The following CSRNP3 variants were observed in gnomAD, a reference collection of about 807,000 sequenced individuals.
The protein encoded by CSRNP3 is cysteine and serine rich nuclear protein 3, also known as cysteine/serine-rich nuclear protein 3.
In CSRNP3, 12 loss-of-function variants were observed where a neutral mutation model predicts 48.0. That is an observed-to-expected ratio of 0.25 (90% confidence interval 0.16 to 0.41). The LOEUF is 0.41. Ranked by LOEUF, CSRNP3 falls within the 10% of genes least tolerant of loss-of-function variation. The pLI is 1.00. For synonymous variants in CSRNP3, 263 were observed against 269.7 expected (o/e 0.98, Z 0.24); for missense variants, 580 against 724.4 (o/e 0.80, Z 2.29).
intron 4 of CSRNP3, among the ~76,000 whole-genome samples, chr2:165,651,898 C>T (rs937863343): frequency 5.9e-5 from 9 of 152,050 alleles, no homozygotes; most frequent in Non-Finnish European, 1.2e-4. Flanking sequence ...TCAGGTGATC[C>T]GCCTGCCTCG....
chr2:165,649,133 A>G (rs543295431), intron 4 of CSRNP3, among the ~76,000 whole-genome samples: 9 of 152,252 alleles, frequency 5.9e-5, no homozygotes, highest in East Asian at 5.8e-4. Context: ...ATCTTTTTAT[A>G]TTACTTCTGT....
chr2:165,606,220 T>C (rs1021178477), intron 4 of CSRNP3, among the ~76,000 whole-genome samples: 1 of 150,654 alleles, frequency 6.6e-6, no homozygotes, highest in Non-Finnish European at 1.5e-5. Flanking sequence ...TACATTAAAA[T>C]AAAACTGAAT....
Position 165,647,457 on chromosome 2 carries a change from G to T in CSRNP3, c.149-10304G>T, listed in dbSNP as rs149720216. On this transcript the variant is annotated intron_variant, in intron 4 of 6. Coordinates refer to ENST00000651982, the MANE Select transcript of CSRNP3 (RefSeq NM_001172173.2). ...CCATATGTAAATGTTAATATTGGCT[G>T]TGTGGAAATCTTTAAAATTCCCTGG... Among the ~76,000 whole-genome samples the T allele has an allele frequency of 2.9e-3, 441 of 152,306 alleles. 3 individuals are homozygous for T. Among genetic ancestry groups the T allele is most frequent in the African/African-American group, 1.0e-2 (414 of 41,564 alleles).
chr2:165,553,339 T>C (rs1310277092), intron 3 of CSRNP3, among the ~76,000 whole-genome samples: 1 of 152,214 alleles, frequency 6.6e-6, no homozygotes, highest in Non-Finnish European at 1.5e-5. Context: ...AATCACTTCC[T>C]TAAGTTTACT....
At chr2:165,587,310 G>A (rs945823900) in intron 3 of CSRNP3, among the ~76,000 whole-genome samples, 7 of 152,208 alleles carry the variant, frequency 4.6e-5, no homozygotes, top group South Asian at 2.1e-4. Context: ...TGGCCAAGAC[G>A]TGAATTCATG....
At chr2:165,579,192 G>A (rs545579227) in intron 3 of CSRNP3, among the ~76,000 whole-genome samples, 2 of 152,222 alleles carry the variant, frequency 1.3e-5, no homozygotes, top group Non-Finnish European at 2.9e-5. Context: ...TCCAAAAATA[G>A]AAACCTGCCA....
intron 3 of CSRNP3, among the ~76,000 whole-genome samples, chr2:165,560,989 C>T: frequency 6.6e-6 from 1 of 152,162 alleles, no homozygotes; most frequent in East Asian, 1.9e-4. Flanking sequence ...TCCACTTTTG[C>T]ATAGTGGATT....
At chr2:165,639,118 G>A (rs1686683600) in intron 4 of CSRNP3, among the ~76,000 whole-genome samples, 2 of 152,092 alleles carry the variant, frequency 1.3e-5, no homozygotes, top group South Asian at 2.1e-4. Flanking sequence ...GTCTTGTCAC[G>A]TATTTTCTCT....
In CSRNP3 at chr2:165,674,866, A is replaced by G. The variant is rs140125045; in HGVS notation, c.409-1446A>G. Among the ~76,000 whole-genome samples the G allele has an allele frequency of 5.5e-4, 84 of 151,476 alleles. No homozygotes were observed. The East Asian group carries it at 7.2e-3, about 13-fold the overall frequency. On this transcript the variant is annotated intron_variant, in intron 5 of 6. Coordinates refer to ENST00000651982, the MANE Select transcript of CSRNP3 (RefSeq NM_001172173.2). ...GCTGGGACTACAGGCACCCACCACC[A>G]TGCCCAGCTAATTTTTGTGAATTTT...
At chr2:165,563,599 A>G (rs1047146794) in intron 3 of CSRNP3, among the ~76,000 whole-genome samples, 8 of 152,100 alleles carry the variant, frequency 5.3e-5, no homozygotes, top group Non-Finnish European at 1.5e-5. Context: ...AATAACCATA[A>G]CAAAATTCAG....
intron 3 of CSRNP3, among the ~76,000 whole-genome samples, chr2:165,534,618 T>C (rs1684857786): frequency 6.6e-6 from 1 of 151,904 alleles, no homozygotes. Context: ...AAGGTGTTGA[T>C]TTAATAAACT....
chr2:165,544,169 G>C (rs950752824), intron 3 of CSRNP3, among the ~76,000 whole-genome samples: 2 of 152,036 alleles, frequency 1.3e-5, no homozygotes, highest in African/African-American at 4.8e-5. Flanking sequence ...GGACACATTA[G>C]GCTTTACTAA....
chr2:165,624,824 T>C (rs562003404), intron 4 of CSRNP3, among the ~76,000 whole-genome samples: 1 of 152,224 alleles, frequency 6.6e-6, no homozygotes, highest in East Asian at 1.9e-4. Flanking sequence ...GTGCCACACA[T>C]TGTATTGTTC....
At chr2:165,641,309 G>A (rs1263243147) in intron 4 of CSRNP3, among the ~76,000 whole-genome samples, 3 of 152,154 alleles carry the variant, frequency 2.0e-5, no homozygotes, top group Non-Finnish European at 4.4e-5. Flanking sequence ...GTTCTTTACT[G>A]AAAGCTATCT....
Position 165,595,139 on chromosome 2 carries a change from A to G in CSRNP3, c.74A>G (p.Asp25Gly). 6.2e-7 allele frequency: 1 copy of G among 1,614,184 alleles called. No individual in the cohort carries two copies. The highest frequency in any genetic ancestry group is 2.2e-5 in the East Asian group (1 of 44,874). Reference sequence around the variant, plus strand: ...CCCTGCTCCTCTGTGAGGGAATCAGATGATGAAGTTTCCAGCAGTGAAAGT... The same window carrying G: ...CCCTGCTCCTCTGTGAGGGAATCAGGTGATGAAGTTTCCAGCAGTGAAAGT... ...SSPCSSVRES[D>G]DEVSSSESAD... Residue 25 changes from aspartate (D) to glycine (G), a missense_variant, in exon 4 of 7, where the codon GAT becomes GGT. Transcript: ENST00000651982.
At chr2:165,571,647 G>A (rs1474568900) in intron 3 of CSRNP3, among the ~76,000 whole-genome samples, 1 of 151,768 alleles carries the variant, frequency 6.6e-6, no homozygotes, top group Non-Finnish European at 1.5e-5. Flanking sequence ...ATAAGTTACC[G>A]CAATTTTAAA....
At chr2:165,631,768 A>T (rs1686541408) in intron 4 of CSRNP3, among the ~76,000 whole-genome samples, 1 of 152,234 alleles carries the variant, frequency 6.6e-6, no homozygotes. Context: ...CTCTTTCACC[A>T]GTTGTTATAA....
intron 1 of CSRNP3, among the ~76,000 whole-genome samples, chr2:165,490,367 T>C (rs2105456608): frequency 6.9e-6 from 1 of 145,194 alleles, no homozygotes; most frequent in East Asian, 2.1e-4. Flanking sequence ...AAAATGGCCA[T>C]ACTGCCCAAG....
Position 165,595,036 on chromosome 2 carries a change from G to A in CSRNP3, c.-23-7G>A. On this transcript the variant is annotated splice_polypyrimidine_tract_variant and splice_region_variant and intron_variant, in intron 3 of 6. Transcript: ENST00000651982. ...TCAATGCTCTGTTGCTCTCCTTCCTGTTACAGGTACATGTGACAGCACTGC... is the reference window on the plus strand; with the variant it reads ...TCAATGCTCTGTTGCTCTCCTTCCTATTACAGGTACATGTGACAGCACTGC... The A allele has an allele frequency of 6.2e-7, 1 of 1,611,836 alleles. No homozygotes were observed. The highest frequency in any genetic ancestry group is 8.5e-7 in the Non-Finnish European group (1 of 1,178,524).
Sources: allele counts gnomAD v4.1 joint callset (sites outside exome capture counted in the v4.1 genomes callset), GRCh38; gene constraint gnomAD v4.1.1; transcripts MANE v1.5; gene names NCBI Gene and HGNC (gene_info 2026-07-23, HGNC 2026-07-21).